Variants in DLG1 observed in about 807,000 individuals in gnomAD.
The protein encoded by DLG1 is discs large MAGUK scaffold protein 1.
In DLG1, 42 loss-of-function variants were observed where a neutral mutation model predicts 123.4. That is an observed-to-expected ratio of 0.34 (90% CI 0.27 to 0.44). The LOEUF (loss-of-function observed/expected upper bound fraction) is 0.44. Among genes scored for constraint, DLG1 ranks in the 20% least tolerant of loss-of-function variants. The pLI, the probability that DLG1 is intolerant of heterozygous loss-of-function variation, is 1.00. For synonymous variants in DLG1, 317 were observed against 356.2 expected, an observed-to-expected ratio of 0.89 and a Z score of 1.24; for missense variants, 942 against 1,082.6, an observed-to-expected ratio of 0.87 and a Z score of 1.82.
chr3:197,272,856 G>C (rs1263943165), intron 4 of DLG1, among the ~76,000 whole-genome samples: 1 of 152,204 alleles, frequency 6.6e-6, no homozygotes, highest in Non-Finnish European at 1.5e-5. Context: ...AATAGGGAGA[G>C]TACAAGGAAG....
chr3:197,048,553 G>C (rs1007699547), intron 24 of DLG1, among the ~76,000 whole-genome samples: 1 of 152,172 alleles, frequency 6.6e-6, no homozygotes, highest in Non-Finnish European at 1.5e-5. Context: ...ATAACAAGTA[G>C]GCAATGGTAT....
intron 18 of DLG1, chr3:197,069,705 T>A (rs958801920): frequency 2.0e-5 from 3 of 152,496 alleles, no homozygotes; most frequent in African/African-American, 7.2e-5. Context: ...AAATAGATGA[T>A]CTTATTTTCA....
intron 4 of DLG1, among the ~76,000 whole-genome samples, chr3:197,269,010 C>T (rs1373229940): frequency 6.6e-6 from 1 of 152,140 alleles, no homozygotes; most frequent in African/African-American, 2.4e-5. Context: ...GGAGCTATCG[C>T]CACCTACGAA....
rs530808266 is a variant in DLG1, at chr3:197,120,154, G to A, written c.1166-624C>T. On this transcript the variant is annotated intron_variant, in intron 11 of 24. Transcript: ENST00000667157. ...GTGTGGCCTGTAGTCCCACTTACTC[G>A]GGAGGCTGAGGTGGGAGAATTGCTT... Among the ~76,000 whole-genome samples, 219 of 152,006 alleles carry A rather than the reference G, an allele frequency of 1.4e-3. 2 individuals are homozygous for A. The highest frequency in any genetic ancestry group is 2.4e-3 in the Non-Finnish European group (164 of 67,974).
chr3:197,163,819 G>C (rs1561161876), intron 5 of DLG1, among the ~76,000 whole-genome samples: 1 of 150,598 alleles, frequency 6.6e-6, no homozygotes, highest in African/African-American at 2.4e-5. Context: ...TTACAGGTGT[G>C]AGCCACTGCA....
At chr3:197,145,039 G>GCTCTCTCT (rs35261692) in intron 6 of DLG1, among the ~76,000 whole-genome samples, 154 of 146,168 alleles carry the variant, frequency 1.1e-3, no homozygotes, top group Non-Finnish European at 1.9e-3. Context: ...TCGCTTGCTT[G>GCTCTCTCT]CTCTCTCTCT....
intron 4 of DLG1, among the ~76,000 whole-genome samples, chr3:197,264,709 G>T (rs1271660012): frequency 6.6e-6 from 1 of 152,214 alleles, no homozygotes; most frequent in Non-Finnish European, 1.5e-5. Context: ...TTACAAGGGT[G>T]AGCCACTGTG....
chr3:197,245,801 A>C (rs1751331242), intron 4 of DLG1, among the ~76,000 whole-genome samples: 1 of 150,396 alleles, frequency 6.6e-6, no homozygotes, highest in Admixed American at 6.6e-5. Flanking sequence ...CAGAGGAAAA[A>C]GCAGTTTGTT....
intron 3 of DLG1, among the ~76,000 whole-genome samples, chr3:197,283,649 C>G (rs1436627152): frequency 6.6e-6 from 1 of 152,140 alleles, no homozygotes; most frequent in Non-Finnish European, 1.5e-5. Flanking sequence ...AGATTCACCA[C>G]GCTTAATTCC....
At chr3:197,113,246 A>C (rs1333352747) in intron 13 of DLG1, among the ~76,000 whole-genome samples, 2 of 152,122 alleles carry the variant, frequency 1.3e-5, no homozygotes, top group African/African-American at 2.4e-5. Context: ...TTCTTTTAGA[A>C]GTTTAGTTCT....
intron 4 of DLG1, among the ~76,000 whole-genome samples, chr3:197,201,210 C>T (rs369934186): frequency 8.5e-5 from 13 of 152,246 alleles, no homozygotes; most frequent in East Asian, 7.7e-4. Context: ...AGTGAAAACC[C>T]GTCTCTACTA....
At chr3:197,194,637 T>A in intron 4 of DLG1, 48 bp from the exon 5 acceptor site, 18 of 1,383,050 alleles carry the variant, frequency 1.3e-5, no homozygotes, top group Non-Finnish European at 1.8e-5. Flanking sequence ...AACATGAGTT[T>A]AATTCAAATC....
At chr3:197,260,658 T>A (rs942601052) in intron 4 of DLG1, among the ~76,000 whole-genome samples, 3 of 145,932 alleles carry the variant, frequency 2.1e-5, no homozygotes, top group Non-Finnish European at 3.0e-5. Flanking sequence ...GGAAGTCATC[T>A]GATGAAATGC....
chr3:197,272,051 A>G (rs1430327569), intron 4 of DLG1, among the ~76,000 whole-genome samples: 1 of 152,176 alleles, frequency 6.6e-6, no homozygotes, highest in Non-Finnish European at 1.5e-5. Flanking sequence ...TTCTCATCCA[A>G]TTTCAGATAG....
chr3:197,109,978 TTTAAA>T (rs1768911535), intron 13 of DLG1, among the ~76,000 whole-genome samples: 1 of 151,396 alleles, frequency 6.6e-6, no homozygotes, highest in Non-Finnish European at 1.5e-5. Flanking sequence ...TGTAGATCTC[TTTAAA>T]TTAATTTAAC....
intron 4 of DLG1, among the ~76,000 whole-genome samples, chr3:197,274,482 T>C (rs1219491626): frequency 1.3e-5 from 2 of 151,592 alleles, no homozygotes; most frequent in African/African-American, 4.9e-5. Flanking sequence ...ATCTAAGACC[T>C]GAAAAGATAC....
At chr3:197,199,503 T>TCTGAAAAA in intron 4 of DLG1, among the ~76,000 whole-genome samples, 1 of 152,288 alleles carries the variant, frequency 6.6e-6, no homozygotes, top group East Asian at 1.9e-4. Flanking sequence ...ACATATCTCA[T>TCTGAAAAA]TATGTATATG....
intron 4 of DLG1, among the ~76,000 whole-genome samples, chr3:197,262,341 C>A (rs1322456661): frequency 6.6e-6 from 1 of 152,220 alleles, no homozygotes; most frequent in African/African-American, 2.4e-5. Context: ...AGGCTGAGGA[C>A]TCCAACTCTA....
intron 6 of DLG1, 49 bp downstream of exon 6, chr3:197,149,694 G>T (rs1479071483): frequency 4.2e-6 from 5 of 1,204,658 alleles, no homozygotes; most frequent in South Asian, 1.2e-5. Context: ...TCAAAAAACG[G>T]AACAGGAAAG....
Sources: gnomAD v4.1 joint callset for allele counts (sites outside exome capture counted in the v4.1 genomes callset) on GRCh38, gnomAD v4.1.1 for gene constraint, MANE v1.5 for transcripts, NCBI Gene and HGNC (gene_info 2026-07-23, HGNC 2026-07-21) for gene names.